The following PEBP4 variants were observed in gnomAD, a reference collection of about 807,000 sequenced individuals.
The protein encoded by PEBP4 is phosphatidylethanolamine binding protein 4.
In PEBP4, 22 loss-of-function variants were observed where a neutral mutation model predicts 23.9. That is an observed-to-expected ratio of 0.92 (90% CI 0.66 to 1.31). The LOEUF (loss-of-function observed/expected upper bound fraction) is 1.31, where lower values mean the gene tolerates loss of function less well. Among genes scored for constraint, PEBP4 ranks in the 40% most tolerant of loss-of-function variants. The pLI, the probability that PEBP4 is intolerant of heterozygous loss-of-function variation, is 0.00. For missense variants in PEBP4, 324 were observed against 281.7 expected, an observed-to-expected ratio of 1.15 and a Z score of -1.07; for synonymous variants, 112 against 99.3, an observed-to-expected ratio of 1.13 and a Z score of -0.76.
intron 3 of PEBP4, among the ~76,000 whole-genome samples, chr8:22,891,370 A>G (rs1808489056): frequency 1.3e-5 from 2 of 152,148 alleles, no homozygotes; most frequent in African/African-American, 4.8e-5. Flanking sequence ...CCTCTGTCCT[A>G]CCTCACCTGC....
chr8:22,822,065 A>C (rs1457888241), intron 3 of PEBP4, among the ~76,000 whole-genome samples: 1 of 151,880 alleles, frequency 6.6e-6, no homozygotes, highest in Non-Finnish European at 1.5e-5. Flanking sequence ...CCAAGAGAGA[A>C]ATGAAGGAAG....
At chr8:22,719,141 G>A (rs1241920763) in intron 6 of PEBP4, among the ~76,000 whole-genome samples, 1 of 152,194 alleles carries the variant, frequency 6.6e-6, no homozygotes, top group Non-Finnish European at 1.5e-5. Flanking sequence ...GTGGTGCTAG[G>A]GAGCGGCTTA....
chr8:22,817,753 A>G lies in PEBP4; in HGVS notation c.259-18T>C, dbSNP rs1470466097. On this transcript the variant is annotated intron_variant, in intron 3 of 6. Coordinates refer to ENST00000256404, the MANE Select transcript of PEBP4 (RefSeq NM_144962.3). ...GTTGCGCCCTGTAACACATGTACCG[A>G]AAAGTAATGTAGCGTCATGGCTGAA... is the stretch of plus-strand genomic sequence containing the variant. 5.6e-6 allele frequency: 9 copies of G among 1,606,656 alleles called. No homozygotes were observed. Among genetic ancestry groups the G allele is most frequent in the Admixed American group, 1.7e-5 (1 of 60,004 alleles).
chr8:22,785,010 C>G (rs986625271), intron 4 of PEBP4, among the ~76,000 whole-genome samples: 2 of 152,136 alleles, frequency 1.3e-5, no homozygotes, highest in Non-Finnish European at 2.9e-5. Flanking sequence ...GCACGGTTTG[C>G]GCATGTGAGC....
At chr8:22,773,809 C>G (rs527352074) in intron 4 of PEBP4, among the ~76,000 whole-genome samples, 1 of 152,134 alleles carries the variant, frequency 6.6e-6, no homozygotes, top group Non-Finnish European at 1.5e-5. Flanking sequence ...CTGTTCCAAC[C>G]GTGGGGGTCC....
Position 22,775,726 on chromosome 8 carries a change from G to T in PEBP4, c.357+41911C>A, listed in dbSNP as rs148555467. ...TCACAGGCACACGGGGCTTCCCTCA[G>T]CCCTCCTGTGCACTCACAGGAGGCT... On this transcript the variant is annotated intron_variant, in intron 4 of 6. Coordinates refer to ENST00000256404, the MANE Select transcript of PEBP4 (RefSeq NM_144962.3). The surrounding 1 kb of genome is among the most constrained non-coding windows in gnomAD (Gnocchi z 4.8). 4.0e-3 allele frequency among the ~76,000 whole-genome samples: 614 copies of T among 152,246 alleles called. 2 individuals are homozygous for T. Among genetic ancestry groups the T allele is most frequent in the Non-Finnish European group, 3.4e-3 (229 of 68,000 alleles).
chr8:22,937,937 A>G (rs1809561347), intron 1 of PEBP4, among the ~76,000 whole-genome samples: 1 of 152,186 alleles, frequency 6.6e-6, no homozygotes, highest in South Asian at 2.1e-4. Context: ...AATTAACTCA[A>G]AATGGATCAA....
At chr8:22,911,065 T>C (rs1808929570) in intron 3 of PEBP4, among the ~76,000 whole-genome samples, 1 of 152,162 alleles carries the variant, frequency 6.6e-6, no homozygotes, top group Non-Finnish European at 1.5e-5. Context: ...GGGAATTCTC[T>C]GCACCATCTG....
intron 4 of PEBP4, chr8:22,757,834 G>T (rs1805422250): frequency 6.6e-6 from 1 of 152,218 alleles, no homozygotes; most frequent in South Asian, 2.1e-4. Context: ...GGGAGGAGTG[G>T]TCACCGCAGT....
chr8:22,765,115 T>TCC lies in PEBP4; in HGVS notation c.358-37896_358-37895insGG, dbSNP rs1563209117. Among the ~76,000 whole-genome samples the TCC allele has an allele frequency of 2.8e-3, 396 of 141,480 alleles. 2 individuals carry two copies. Among genetic ancestry groups the TCC allele is most frequent in the African/African-American group, 0.01 (377 of 37,072 alleles). The allele number at this position is 141,480 out of a possible 152,430, so 92.8% of individuals were successfully genotyped here. ...TTTCTTTCCTTCTTCCTTCCTTTAT[T>TCC]TCTTCCTTCCTTCCTTCCTTCCTTC... On this transcript the variant is annotated intron_variant, in intron 4 of 6. Coordinates refer to ENST00000256404, the MANE Select transcript of PEBP4 (RefSeq NM_144962.3).
chr8:22,714,470 A>G (rs1406835456), intron 6 of PEBP4, among the ~76,000 whole-genome samples: 8 of 151,960 alleles, frequency 5.3e-5, no homozygotes, highest in Admixed American at 2.6e-4. Context: ...TGCATGGAGC[A>G]TCCTTACATG....
intron 3 of PEBP4, among the ~76,000 whole-genome samples, chr8:22,839,702 C>T (rs1197159037): frequency 1.3e-5 from 2 of 152,160 alleles, no homozygotes; most frequent in African/African-American, 2.4e-5. Context: ...TTTCTGTCTT[C>T]CCATAGGGTG....
chr8:22,843,590 T>C (rs1807369030), intron 3 of PEBP4, among the ~76,000 whole-genome samples: 1 of 152,200 alleles, frequency 6.6e-6, no homozygotes, highest in South Asian at 2.1e-4. Flanking sequence ...GGCCAATCCA[T>C]GAATGGAATC....
chr8:22,727,240 G>T lies in PEBP4; in HGVS notation c.358-20C>A. 6.2e-7 allele frequency: 1 copy of T among 1,612,642 alleles called. No homozygotes were observed. Among genetic ancestry groups the T allele is most frequent in the Non-Finnish European group, 8.5e-7 (1 of 1,179,566 alleles). On this transcript the variant is annotated intron_variant, in intron 4 of 6. Transcript: ENST00000256404. ...GGCGCCCTGAAAGAAGAGACAAGCA[G>T]GGCTGTAGGTTATGTCTTGGGCACA...
At chr8:22,898,720 CCTT>C (rs1305255255) in intron 3 of PEBP4, among the ~76,000 whole-genome samples, 14 of 152,154 alleles carry the variant, frequency 9.2e-5, no homozygotes, top group Admixed American at 8.5e-4. Flanking sequence ...GTTAGTAAGT[CCTT>C]CTCGATGACC....
At chr8:22,893,958 C>T (rs1325286892) in intron 3 of PEBP4, among the ~76,000 whole-genome samples, 3 of 152,042 alleles carry the variant, frequency 2.0e-5, no homozygotes, top group African/African-American at 7.2e-5. Context: ...AGAAGCCCAA[C>T]CAAAGAAATG....
intron 4 of PEBP4, among the ~76,000 whole-genome samples, chr8:22,761,224 C>T (rs1237246708): frequency 6.6e-6 from 1 of 152,106 alleles, no homozygotes; most frequent in Non-Finnish European, 1.5e-5. Context: ...CCCCGGGGAA[C>T]TGTGGGGTGG....
chr8:22,886,649 C>T (rs1808382728), intron 3 of PEBP4: 1 of 152,410 alleles, frequency 6.6e-6, no homozygotes, highest in Non-Finnish European at 1.5e-5. Flanking sequence ...ATCCTGCTGC[C>T]CCAGAGCAGT....
At chr8:22,791,012 TG>T (rs1384896855) in intron 4 of PEBP4, among the ~76,000 whole-genome samples, 1 of 151,686 alleles carries the variant, frequency 6.6e-6, no homozygotes, top group African/African-American at 2.4e-5. Context: ...TGAGGGGAGG[TG>T]GGGGTGGTCA....
Sources: allele counts gnomAD v4.1 joint callset (sites outside exome capture counted in the v4.1 genomes callset), GRCh38; gene constraint gnomAD v4.1.1; non-coding constraint Gnocchi (gnomAD v3.1); transcripts MANE v1.5; gene names NCBI Gene and HGNC (gene_info 2026-07-23, HGNC 2026-07-21).